ERC1: variants seen among roughly 807,000 people sequenced by gnomAD.
The protein encoded by ERC1 is ELKS/RAB6-interacting/CAST family member 1, also known as RAB6 interacting protein 2.
In ERC1, 56 loss-of-function variants were observed where a neutral mutation model predicts 132.0. The ratio of observed to expected loss-of-function variants is 0.42; its 90% CI spans 0.34 to 0.53. The LOEUF (loss-of-function observed/expected upper bound fraction) is 0.53. ERC1 is among the 20% of genes least tolerant of loss of function. ERC1 has a pLI of 0.03. For missense variants in ERC1, 1,202 were observed against 1,349.9 expected (o/e 0.89, Z 1.72); for synonymous variants, 478 against 476.1 (o/e 1.00, Z -0.05).
At chr12:1,378,578 G>A (rs2088225996) in intron 16 of ERC1, among the ~76,000 whole-genome samples, 1 of 152,174 alleles carries the variant, frequency 6.6e-6, no homozygotes, top group Admixed American at 6.5e-5. Context: ...TTGCCAATAA[G>A]AATAATGGAG....
intron 18 of ERC1, among the ~76,000 whole-genome samples, chr12:1,450,507 T>C (rs1456410964): frequency 2.0e-5 from 3 of 152,254 alleles, no homozygotes; most frequent in Admixed American, 6.5e-5. Context: ...TTAAGGCTAC[T>C]GTTTTATATA....
intron 7 of ERC1, among the ~76,000 whole-genome samples, chr12:1,131,454 G>A (rs1948750621): frequency 1.3e-5 from 2 of 152,096 alleles, no homozygotes; most frequent in Admixed American, 6.5e-5. Flanking sequence ...GTTAAGGTAC[G>A]TTGAGAGAAT....
At chr12:1,315,742 C>A (rs113907462) in intron 15 of ERC1, among the ~76,000 whole-genome samples, 71 of 151,462 alleles carry the variant, frequency 4.7e-4, no homozygotes, top group African/African-American at 1.6e-3. Context: ...AGAGAGAGAG[C>A]GAGAGAGAGG....
chr12:1,466,902 T>G (rs1434967071), intron 18 of ERC1, among the ~76,000 whole-genome samples: 1 of 152,200 alleles, frequency 6.6e-6, no homozygotes, highest in Admixed American at 6.5e-5. Flanking sequence ...CCTGCTTTGT[T>G]TACCTCTTTT....
Position 1,141,761 on chromosome 12 carries a change from C to T in ERC1, c.1711C>T (p.Arg571Trp), listed in dbSNP as rs1426201201. 5 of 1,606,338 alleles carry T rather than the reference C, an allele frequency of 3.1e-6. No homozygotes were observed. The highest frequency in any genetic ancestry group is 2.2e-5 in the East Asian group (1 of 44,572). ...CAAGGACATGTTGGATGTGAAGGAG[C>T]GGAAGGTTAATGTTCTTCAGAAGAA... Reference protein sequence around the residue: ...DLKDMLDVKERKVNVLQKKIE... With the variant: ...DLKDMLDVKEWKVNVLQKKIE... The change falls in exon 8 of 19, where the codon CGG (arginine) becomes TGG (tryptophan). Residue 571 changes from arginine (R) to tryptophan (W), a missense_variant. Arg to Trp is a moderately radical substitution (Grantham distance 101, BLOSUM62 -3). Transcript: ENST00000360905.
intron 15 of ERC1, among the ~76,000 whole-genome samples, chr12:1,292,344 C>A (rs949202682): frequency 1.9e-4 from 29 of 152,128 alleles, no homozygotes; most frequent in Non-Finnish European, 1.2e-4. Flanking sequence ...AGTTGTAAGT[C>A]ATTCAAAGAA....
At chr12:1,322,587 G>C (rs2082186932) in intron 15 of ERC1, among the ~76,000 whole-genome samples, 1 of 152,130 alleles carries the variant, frequency 6.6e-6, no homozygotes, top group African/African-American at 2.4e-5. Context: ...CCATGCCAGA[G>C]AGGGGTATGT....
chr12:1,304,484 G>C (rs1315706059), intron 15 of ERC1, among the ~76,000 whole-genome samples: 2 of 152,200 alleles, frequency 1.3e-5, no homozygotes, highest in Non-Finnish European at 2.9e-5. Context: ...ACCTACCTCT[G>C]AGGTTTAGAG....
rs116777300 is a variant in ERC1, at chr12:1,353,441, G to T, written c.2781-18392G>T. ...TGGAGCTTAAAGGAATAGAACTAGG[G>T]TTACAAAGAGACAGCTCTTTCAGTC... On this transcript the variant is annotated intron_variant, in intron 15 of 18. Coordinates refer to ENST00000360905, the MANE Select transcript of ERC1 (RefSeq NM_178040.4). 6.3e-3 allele frequency among the ~76,000 whole-genome samples: 966 copies of T among 152,286 alleles called. 3 individuals carry two copies. The highest frequency in any genetic ancestry group is 0.02 in the African/African-American group (832 of 41,568).
At chr12:1,097,981 C>T (rs963027326) in intron 3 of ERC1, among the ~76,000 whole-genome samples, 4 of 152,198 alleles carry the variant, frequency 2.6e-5, no homozygotes, top group African/African-American at 4.8e-5. Flanking sequence ...TCCCAAAGTG[C>T]TGGGATTACA....
At chr12:1,456,866 C>T (rs775422013) in intron 18 of ERC1, among the ~76,000 whole-genome samples, 13 of 151,904 alleles carry the variant, frequency 8.6e-5, no homozygotes, top group Non-Finnish European at 1.6e-4. Context: ...TTCCCATCCC[C>T]ATAATTCTAA....
intron 15 of ERC1, among the ~76,000 whole-genome samples, chr12:1,330,845 CT>C (rs1261828315): frequency 1.3e-5 from 2 of 152,084 alleles, no homozygotes; most frequent in African/African-American, 2.4e-5. Context: ...TTTATCTTCT[CT>C]TTTTTATCTC....
In ERC1 at chr12:1,433,916, A is replaced by C. The variant is rs144650366; in HGVS notation, c.3025-10646A>C. On this transcript the variant is annotated intron_variant, in intron 17 of 18. Coordinates refer to ENST00000360905, the MANE Select transcript of ERC1 (RefSeq NM_178040.4). ...TATACTCCCTGAGGCTGAGGCTGCA[A>C]TGCAGTGAGCTGTGATCACACCACT... Among the ~76,000 whole-genome samples the C allele has an allele frequency of 7.5e-4, 113 of 150,100 alleles. 1 individual carries two copies. Among genetic ancestry groups the C allele is most frequent in the African/African-American group, 2.6e-3 (106 of 40,568 alleles).
intron 6 of ERC1, among the ~76,000 whole-genome samples, chr12:1,112,985 G>A (rs1049159764): frequency 6.6e-6 from 1 of 152,104 alleles, no homozygotes; most frequent in African/African-American, 2.4e-5. Context: ...GTAAAAAAAT[G>A]GATGTTGTGT....
At chr12:1,257,663 G>C (rs1274243863) in intron 13 of ERC1, among the ~76,000 whole-genome samples, 1 of 152,064 alleles carries the variant, frequency 6.6e-6, no homozygotes, top group Non-Finnish European at 1.5e-5. Flanking sequence ...GCTGGGAAAA[G>C]AGTTACAAAT....
chr12:1,487,537 T>C, intron 18 of ERC1, among the ~76,000 whole-genome samples: 1 of 44,416 alleles, frequency 2.3e-5, no homozygotes, highest in Non-Finnish European at 8.2e-5. Flanking sequence ...AGACCGCACC[T>C]CTAAAAAAGA....
chr12:1,093,986 GA>G (rs1491391332), intron 3 of ERC1, among the ~76,000 whole-genome samples: 1 of 36,038 alleles, frequency 2.8e-5, no homozygotes, highest in African/African-American at 9.5e-5. Flanking sequence ...TATATATATA[GA>G]AAAACATAGA....
chr12:1,490,230 AC>A lies in ERC1; in HGVS notation c.*3del. On this transcript the variant is annotated 3_prime_UTR_variant, in exon 19 of 19. Transcript: ENST00000360905. ...TCAACGCCCTGGAAGAGTCCTCTTG[AC>A]CCTGCTTTATGGGGAAGCCTGAGGT... is the stretch of plus-strand genomic sequence containing the variant. The A allele has an allele frequency of 1.9e-6, 3 of 1,613,526 alleles. No homozygotes were observed. The highest frequency in any genetic ancestry group is 2.5e-6 in the Non-Finnish European group (3 of 1,179,662).
chr12:1,466,943 AG>A (rs2093755136), intron 18 of ERC1, among the ~76,000 whole-genome samples: 1 of 152,230 alleles, frequency 6.6e-6, no homozygotes, highest in South Asian at 2.1e-4. Context: ...CACAAAAGGA[AG>A]TGCCCCTACC....
Sources: allele counts gnomAD v4.1 joint callset (sites outside exome capture counted in the v4.1 genomes callset), GRCh38; gene constraint gnomAD v4.1.1; transcripts MANE v1.5; gene names NCBI Gene and HGNC (gene_info 2026-07-23, HGNC 2026-07-21).